Variants in PARVG observed in about 807,000 individuals in gnomAD.
The protein encoded by PARVG is gamma-parvin.
Under a neutral mutation model 44.4 loss-of-function variants are expected in PARVG, and 36 were observed. The observed-to-expected ratio is 0.81, with a 90% CI of 0.62 to 1.07. The LOEUF is 1.07. Ranked by LOEUF, PARVG falls within the 50% of genes least tolerant of loss-of-function variation. The probability of loss-of-function intolerance (pLI) is 0.00; values close to 1 mark genes in which losing one functional copy is unlikely to be tolerated. For missense variants in PARVG, 407 were observed against 407.4 expected (o/e 1.00, Z 0.01); for synonymous variants, 170 against 174.1 (o/e 0.98, Z 0.19).
At chr22:44,180,508 G>T (rs186111573), upstream of PARVG, among the ~76,000 whole-genome samples, 10 of 152,276 alleles carry the variant, frequency 6.6e-5, no homozygotes, top group East Asian at 1.9e-3. Flanking sequence ...ACACGCCCCA[G>T]CAAAATAGGT....
chr22:44,205,196 G>GC (rs1434335433), intron 12 of PARVG, among the ~76,000 whole-genome samples: 1 of 152,230 alleles, frequency 6.6e-6, no homozygotes, highest in African/African-American at 2.4e-5. Context: ...AGCCTGCTTT[G>GC]CATGAGCATT....
chr22:44,188,977 C>T lies in PARVG; in HGVS notation c.248-137C>T, dbSNP rs139137. ...CGATTGAGGCTGTGAGTGTGGCCCA[C>T]GGTCCAACACCAAGAATGGGCTCTC... On this transcript the variant is annotated intron_variant, in intron 5 of 13. Coordinates refer to ENST00000444313, the MANE Select transcript of PARVG (RefSeq NM_022141.7). 1.1e-3 allele frequency: 1,278 copies of T among 1,149,340 alleles called. 13 individuals are homozygous for T. In the African/African-American group the frequency reaches 0.017, roughly 15 times the overall value. The allele number at this position is 1,149,340 out of a possible 1,614,324, so 71.2% of individuals were successfully genotyped here.
intron 12 of PARVG, among the ~76,000 whole-genome samples, chr22:44,202,431 T>C (rs903289145): frequency 6.6e-6 from 1 of 152,240 alleles, no homozygotes; most frequent in Non-Finnish European, 1.5e-5. Flanking sequence ...GCAGGGCCTC[T>C]GCTCAATCTG....
chr22:44,178,097 AG>A (rs2054336189), upstream of PARVG, among the ~76,000 whole-genome samples: 1 of 152,162 alleles, frequency 6.6e-6, no homozygotes, highest in Non-Finnish European at 1.5e-5. Flanking sequence ...AGGCCTTCCC[AG>A]CCATGGTGGA....
Position 44,205,783 on chromosome 22 carries a change from G to T in PARVG, c.840G>T (p.Glu280Asp). Reference sequence around the variant, plus strand: ...TGCACAACGTCACCCTGGCGCTGGAGCTGCTGAAGGACGAGGGCCTGCTCA... The same window carrying T: ...TGCACAACGTCACCCTGGCGCTGGATCTGCTGAAGGACGAGGGCCTGCTCA... ...EMLHNVTLAL[E>D]LLKDEGLLSC... Residue 280 changes from glutamate to aspartate, a missense_variant, in exon 13 of 14, where the codon GAG becomes GAT. Transcript: ENST00000444313. The T allele has an allele frequency of 6.2e-7, 1 of 1,613,664 alleles. No individual in the cohort carries two copies. Among genetic ancestry groups the T allele is most frequent in the Non-Finnish European group, 8.5e-7 (1 of 1,180,020 alleles).
intron 11 of PARVG, 97 bp from the exon 12 acceptor site, chr22:44,198,524 G>A: frequency 1.1e-6 from 1 of 887,768 alleles, no homozygotes; most frequent in Non-Finnish European, 1.8e-6. Flanking sequence ...GCTCAGAGAA[G>A]TTGTATGACT....
At chr22:44,187,632 A>G (rs28535809) in intron 4 of PARVG, 144 bp from the exon 5 acceptor site, 4 of 733,510 alleles carry the variant, frequency 5.5e-6, no homozygotes, top group Non-Finnish European at 9.5e-6. Context: ...GAGATCAAGG[A>G]GGGCTTCCCA....
At chr22:44,174,352 G>C (rs2054298573) in intron 1 of PARVG, among the ~76,000 whole-genome samples, 2 of 152,120 alleles carry the variant, frequency 1.3e-5, no homozygotes, top group Admixed American at 6.5e-5. Context: ...GAGTGCTTCA[G>C]GTGCACCGGA....
chr22:44,177,962 G>T (rs1017719232), upstream of PARVG, among the ~76,000 whole-genome samples: 13 of 152,130 alleles, frequency 8.5e-5, no homozygotes, highest in Admixed American at 5.2e-4. Flanking sequence ...TATGAGGAAA[G>T]AATTTTCACT....
upstream of PARVG, among the ~76,000 whole-genome samples, chr22:44,177,180 A>G (rs2054326860): frequency 6.6e-6 from 1 of 152,192 alleles, no homozygotes; most frequent in South Asian, 2.1e-4. Context: ...CTCTCTCGAT[A>G]TAATAATAAT....
In PARVG at chr22:44,192,053, C is replaced by G. The variant is rs1164714142; in HGVS notation, c.509C>G (p.Thr170Ser). The G allele has an allele frequency of 1.5e-5, 24 of 1,613,648 alleles. 1 individual carries two copies. Among genetic ancestry groups the G allele is most frequent in the Non-Finnish European group, 2.0e-5 (24 of 1,179,884 alleles). ...VQVEVITIESTKSGLKSEKLV... is the reference protein window; with the variant it reads ...VQVEVITIESSKSGLKSEKLV... ...TTCCCCCTTTATTTTTCTTAGAGCA[C>G]CAAAAGTGGTCTGAAGTCAGAGAAG... Residue 170 changes from threonine to serine, a missense_variant, in exon 8 of 14, where the codon ACC (threonine) becomes AGC (serine). Transcript: ENST00000444313.
At chr22:44,193,303 A>G (rs979937754) in intron 8 of PARVG, among the ~76,000 whole-genome samples, 1 of 152,258 alleles carries the variant, frequency 6.6e-6, no homozygotes, top group Non-Finnish European at 1.5e-5. Context: ...GACACGCAGT[A>G]TGGTTTCATT....
At chr22:44,193,667 C>A in intron 8 of PARVG, 134 bp from the exon 9 acceptor site, 1 of 1,115,466 alleles carries the variant, frequency 9.0e-7, no homozygotes, top group East Asian at 2.5e-5. Context: ...ACCTACAAAG[C>A]TGCCAGGAAA....
intron 1 of PARVG, among the ~76,000 whole-genome samples, chr22:44,175,054 G>A (rs1238088883): frequency 1.3e-5 from 2 of 152,252 alleles, no homozygotes; most frequent in South Asian, 2.1e-4. Flanking sequence ...CCCAGGAGGC[G>A]GAGGTTTCAG....
Position 44,181,131 on chromosome 22 carries a change from C to T in PARVG, c.-243C>T. On this transcript the variant is annotated 5_prime_UTR_variant, in exon 1 of 14. Coordinates refer to ENST00000444313, the MANE Select transcript of PARVG (RefSeq NM_022141.7). ...TTCCCGATCCCCTTGGCAACAACCA[C>T]CACCAATATTTATTCACTGAGCCCA... 1 of 439,492 alleles carries T rather than the reference C, an allele frequency of 2.3e-6. No homozygotes were observed. The highest frequency in any genetic ancestry group is 3.0e-6 in the Non-Finnish European group (1 of 330,720). 27.2% of individuals were successfully genotyped at this position (439,492 alleles called of 1,614,324 possible). A position where few individuals can be genotyped will look rare whatever the true frequency, so the allele number is the denominator to read the frequency against.
chr22:44,178,261 T>A (rs2054337446), upstream of PARVG, among the ~76,000 whole-genome samples: 1 of 152,302 alleles, frequency 6.6e-6, no homozygotes, highest in East Asian at 1.9e-4. Flanking sequence ...AGTAAAATGT[T>A]AAGAGGCGAG....
intron 11 of PARVG, among the ~76,000 whole-genome samples, chr22:44,197,943 A>G (rs2054640318): frequency 6.6e-6 from 1 of 152,160 alleles, no homozygotes; most frequent in East Asian, 1.9e-4. Flanking sequence ...GACTCATGGC[A>G]TGTGCAAAGG....
Position 44,205,815 on chromosome 22 carries a change from C to G in PARVG, c.872C>G (p.Pro291Arg), listed in dbSNP as rs770257402. ...LLKDEGLLSC[P>R]VSPEDIVNKD... Reference sequence around the variant, plus strand: ...AAGGACGAGGGCCTGCTCAGCTGCCCTGTCAGCCCTGAAGGTGAGTGCAAG... The same window carrying G: ...AAGGACGAGGGCCTGCTCAGCTGCCGTGTCAGCCCTGAAGGTGAGTGCAAG... Residue 291 changes from proline (P) to arginine (R), a missense_variant, in exon 13 of 14, where the codon CCT (proline) becomes CGT (arginine). Physicochemically the swap from Pro to Arg is moderately radical, Grantham distance 103. Coordinates refer to ENST00000444313, the MANE Select transcript of PARVG (RefSeq NM_022141.7). 4 of 1,613,312 alleles carry G rather than the reference C, an allele frequency of 2.5e-6. No homozygotes were observed. Among genetic ancestry groups the G allele is most frequent in the Non-Finnish European group, 3.4e-6 (4 of 1,179,962 alleles).
chr22:44,193,343 A>T (rs570821041), intron 8 of PARVG, among the ~76,000 whole-genome samples: 36 of 152,350 alleles, frequency 2.4e-4, no homozygotes, highest in African/African-American at 8.7e-4. Flanking sequence ...GGCAAAACCA[A>T]CAGATGGCAA....
Sources: gnomAD v4.1 joint callset for allele counts (sites outside exome capture counted in the v4.1 genomes callset) on GRCh38, gnomAD v4.1.1 for gene constraint, MANE v1.5 for transcripts, NCBI Gene and HGNC (gene_info 2026-07-23, HGNC 2026-07-21) for gene names.